The following EPS15 variants were observed in gnomAD, a reference collection of about 807,000 sequenced individuals.
EPS15 encodes the protein epidermal growth factor receptor pathway substrate 15, also known as epidermal growth factor receptor substrate 15.
Under a neutral mutation model 113.8 loss-of-function variants are expected in EPS15, and 72 were observed. That is an observed-to-expected ratio of 0.63 (90% confidence interval 0.52 to 0.77). The LOEUF (loss-of-function observed/expected upper bound fraction) is 0.77. Ranked by LOEUF, EPS15 falls within the 30% of genes least tolerant of loss-of-function variation. The pLI is 0.00. For missense variants in EPS15, 1,048 were observed against 1,045.8 expected (o/e 1.00, Z -0.03); for synonymous variants, 344 against 363.4 (o/e 0.95, Z 0.61).
intron 2 of EPS15, among the ~76,000 whole-genome samples, chr1:51,474,392 C>A (rs1655453350): frequency 6.6e-6 from 1 of 152,194 alleles, no homozygotes; most frequent in African/African-American, 2.4e-5. Flanking sequence ...TGACATCACA[C>A]TACTTTCAGA....
intron 8 of EPS15, chr1:51,457,444 G>A (rs1025464900): frequency 6.6e-6 from 1 of 150,376 alleles, no homozygotes; most frequent in African/African-American, 2.4e-5. Context: ...CACAAGGTGC[G>A]AATCCCCTAC....
At chr1:51,510,855 C>T (rs1272686048) in intron 1 of EPS15, among the ~76,000 whole-genome samples, 3 of 152,126 alleles carry the variant, frequency 2.0e-5, no homozygotes, top group Non-Finnish European at 4.4e-5. Context: ...CTTGTATGTC[C>T]TAATGGACCA....
intron 5 of EPS15, among the ~76,000 whole-genome samples, chr1:51,467,628 G>A (rs868845660): frequency 6.6e-6 from 1 of 152,202 alleles, no homozygotes; most frequent in South Asian, 2.1e-4. Context: ...TCCATGGCCT[G>A]TTAGGAACTG....
chr1:51,447,995 C>CT (rs1653204655), intron 9 of EPS15, 51 bp downstream of exon 9: 1 of 1,598,560 alleles, frequency 6.3e-7, no homozygotes, highest in Admixed American at 1.7e-5. Context: ...GGTAAGATTC[C>CT]TTGGCTGATG....
intron 13 of EPS15, among the ~76,000 whole-genome samples, chr1:51,412,093 A>G (rs1649774054): frequency 6.6e-6 from 1 of 152,222 alleles, no homozygotes; most frequent in African/African-American, 2.4e-5. Context: ...CATTCTCAGC[A>G]AACTACCACA....
At chr1:51,462,870 ATTTTTTTTT>A (rs34320767) in intron 7 of EPS15, among the ~76,000 whole-genome samples, 28 of 111,068 alleles carry the variant, frequency 2.5e-4, no homozygotes, top group South Asian at 5.7e-4. Flanking sequence ...AAAAAGTCAG[ATTTTTTTTT>A]TTTTTTTTTT....
intron 12 of EPS15, among the ~76,000 whole-genome samples, chr1:51,422,784 A>C (rs1001896674): frequency 6.6e-6 from 1 of 152,252 alleles, no homozygotes; most frequent in African/African-American, 2.4e-5. Flanking sequence ...GAAAAAGCTC[A>C]AAGAATTCTG....
Position 51,508,267 on chromosome 1 carries a change from AGAG to A in EPS15, c.33+10929_33+10931del, listed in dbSNP as rs200307387. Among the ~76,000 whole-genome samples the A allele has an allele frequency of 9.7e-4, 125 of 128,826 alleles. 1 individual carries two copies. Among genetic ancestry groups the A allele is most frequent in the African/African-American group, 2.8e-3 (81 of 29,042 alleles). The allele number at this position is 128,826 out of a possible 152,430, so 84.5% of individuals were successfully genotyped here. A position where few individuals can be genotyped will look rare whatever the true frequency, so the allele number is the denominator to read the frequency against. ...GAGAGAAAGAGAGAGAGAGAGAGAG[AGAG>A]AGAAAGAGAGAAAGAGAGAAAGAGA... On this transcript the variant is annotated intron_variant, in intron 1 of 24. Transcript: ENST00000371733.
intron 24 of EPS15, among the ~76,000 whole-genome samples, chr1:51,358,745 G>GT (rs1646305690): frequency 7.9e-6 from 1 of 126,816 alleles, no homozygotes; most frequent in Admixed American, 9.6e-5. Flanking sequence ...GTCTCGCTCT[G>GT]TAACTCAGCT....
chr1:51,490,540 G>A (rs1353689694), intron 1 of EPS15, among the ~76,000 whole-genome samples: 1 of 143,256 alleles, frequency 7.0e-6, no homozygotes, highest in African/African-American at 2.6e-5. Flanking sequence ...ACTCCCGCCT[G>A]GGCAACAGTG....
At chr1:51,518,746 C>G (rs974922758) in intron 1 of EPS15, among the ~76,000 whole-genome samples, 2 of 152,004 alleles carry the variant, frequency 1.3e-5, no homozygotes, top group Admixed American at 6.5e-5. Flanking sequence ...GGGGGCGGCG[C>G]GCAGCCGGCC....
intron 8 of EPS15, chr1:51,458,872 G>A (rs1397732191): frequency 1.1e-5 from 2 of 176,446 alleles, no homozygotes; most frequent in Non-Finnish European, 2.5e-5. Flanking sequence ...ATGTTTCAAA[G>A]TATATCATCA....
intron 21 of EPS15, chr1:51,372,578 G>C: frequency 3.8e-6 from 2 of 523,380 alleles, no homozygotes; most frequent in Non-Finnish European, 7.7e-6. Flanking sequence ...GAGTAACATT[G>C]CCATCAATGA....
At chr1:51,406,210 T>A (rs1649114481) in intron 15 of EPS15, 102 bp from the exon 16 acceptor site, 1 of 942,328 alleles carries the variant, frequency 1.1e-6, no homozygotes, top group South Asian at 1.6e-5. Context: ...GTGTGGTAGC[T>A]CATGCCTATA....
chr1:51,382,478 G>A (rs1357177509), intron 21 of EPS15: 2 of 150,176 alleles, frequency 1.3e-5, no homozygotes. Flanking sequence ...GAGTGCAGTG[G>A]TGTAATCTCG....
At chr1:51,493,545 T>A (rs1322990929) in intron 1 of EPS15, among the ~76,000 whole-genome samples, 1 of 136,700 alleles carries the variant, frequency 7.3e-6, no homozygotes, top group African/African-American at 2.8e-5. Context: ...AATAAATAAA[T>A]AAATAAATAA....
At chr1:51,377,562 G>A (rs1646829839) in intron 21 of EPS15, among the ~76,000 whole-genome samples, 1 of 152,162 alleles carries the variant, frequency 6.6e-6, no homozygotes, top group Non-Finnish European at 1.5e-5. Context: ...TGAAGATGCT[G>A]TGAACATTGT....
intron 21 of EPS15, among the ~76,000 whole-genome samples, chr1:51,377,524 G>T (rs1401181703): frequency 6.6e-6 from 1 of 152,146 alleles, no homozygotes; most frequent in Non-Finnish European, 1.5e-5. Context: ...ATAAGAAAGT[G>T]ATTTCTTGAG....
intron 1 of EPS15, among the ~76,000 whole-genome samples, chr1:51,485,639 A>G (rs953183421): frequency 2.0e-5 from 3 of 152,228 alleles, no homozygotes; most frequent in Admixed American, 6.5e-5. Flanking sequence ...TGAAGCTTTT[A>G]GCAAATACCA....
Sources: allele counts gnomAD v4.1 joint callset (sites outside exome capture counted in the v4.1 genomes callset), GRCh38; gene constraint gnomAD v4.1.1; transcripts MANE v1.5; gene names NCBI Gene and HGNC (gene_info 2026-07-23, HGNC 2026-07-21).